The following ROR2 variants were observed in gnomAD, a reference collection of about 807,000 sequenced individuals.
The protein encoded by ROR2 is tyrosine-protein kinase transmembrane receptor ROR2.
Under a neutral mutation model 74.9 loss-of-function variants are expected in ROR2, and 33 were observed. The ratio of observed to expected loss-of-function variants is 0.44; its 90% confidence interval spans 0.33 to 0.59. ROR2 has a LOEUF of 0.59. Among genes scored for constraint, ROR2 ranks in the 20% least tolerant of loss-of-function variants. The pLI is 0.02. For synonymous variants in ROR2, 586 were observed against 558.7 expected, an observed-to-expected ratio of 1.05 and a Z score of -0.69; for missense variants, 1,216 against 1,313.8, an observed-to-expected ratio of 0.93 and a Z score of 1.15.
chr9:91,889,248 A>C (rs1239991478), intron 1 of ROR2, among the ~76,000 whole-genome samples: 1 of 152,186 alleles, frequency 6.6e-6, no homozygotes, highest in Non-Finnish European at 1.5e-5. Context: ...CCCACTCCCA[A>C]GCCCTGAGTG....
chr9:91,890,780 T>A (rs1302288890), intron 1 of ROR2, among the ~76,000 whole-genome samples: 1 of 152,250 alleles, frequency 6.6e-6, no homozygotes, highest in Non-Finnish European at 1.5e-5. Flanking sequence ...TCTTCTCCTG[T>A]GTTTTACCTT....
In ROR2 at chr9:91,835,391, C is replaced by T. The variant is rs558791345; in HGVS notation, c.98-59573G>A. Reference sequence around the variant, plus strand: ...TTGCACTGATTTATGGGCTCCATTGCTCTCTTCTCTGCACACACACTGCCC... The same window carrying T: ...TTGCACTGATTTATGGGCTCCATTGTTCTCTTCTCTGCACACACACTGCCC... On this transcript the variant is annotated intron_variant, in intron 1 of 8. Coordinates refer to ENST00000375708, the MANE Select transcript of ROR2 (RefSeq NM_004560.4). 1.4e-4 allele frequency among the ~76,000 whole-genome samples: 22 copies of T among 152,318 alleles called. 1 individual carries two copies. The South Asian group carries it at 4.6e-3, about 32-fold the overall frequency.
intron 1 of ROR2, among the ~76,000 whole-genome samples, chr9:91,826,863 T>A (rs1407903350): frequency 6.6e-6 from 1 of 152,184 alleles, no homozygotes; most frequent in East Asian, 1.9e-4. Flanking sequence ...AGTAACATTT[T>A]GAGAAGGGGA....
At chr9:91,903,927 T>C (rs895636109) in intron 1 of ROR2, among the ~76,000 whole-genome samples, 1 of 152,196 alleles carries the variant, frequency 6.6e-6, no homozygotes, top group Non-Finnish European at 1.5e-5. Flanking sequence ...ACAGCTGAAA[T>C]ATTTTTAAAG....
At chr9:91,833,068 C>T (rs1289956194) in intron 1 of ROR2, among the ~76,000 whole-genome samples, 1 of 152,164 alleles carries the variant, frequency 6.6e-6, no homozygotes, top group Non-Finnish European at 1.5e-5. Flanking sequence ...CCCTGCAACA[C>T]CCCCAAAGAG....
In ROR2 at chr9:91,723,643, C is replaced by A; in HGVS notation, c.*19G>T. 1.1e-5 allele frequency: 18 copies of A among 1,611,858 alleles called. No homozygotes were observed. The highest frequency in any genetic ancestry group is 1.5e-5 in the Non-Finnish European group (18 of 1,179,358). ...TCTCGGCGGGGCTTCTATCCCCGAA[C>A]CCCGGGCCCTGGTGCCACTCAAGCT... On this transcript the variant is annotated 3_prime_UTR_variant, in exon 9 of 9. Coordinates refer to ENST00000375708, the MANE Select transcript of ROR2 (RefSeq NM_004560.4).
intron 7 of ROR2, among the ~76,000 whole-genome samples, chr9:91,729,618 G>A (rs1425928714): frequency 6.6e-6 from 1 of 152,176 alleles, no homozygotes; most frequent in Admixed American, 6.5e-5. Context: ...CGCTTCACCG[G>A]CTGCTCTCTC....
chr9:91,896,228 T>A (rs1830534961), intron 1 of ROR2, among the ~76,000 whole-genome samples: 1 of 152,202 alleles, frequency 6.6e-6, no homozygotes, highest in Non-Finnish European at 1.5e-5. Flanking sequence ...CCATCTCTCC[T>A]TAGACTGCGT....
intron 1 of ROR2, among the ~76,000 whole-genome samples, chr9:91,920,221 C>G (rs897324304): frequency 1.3e-5 from 2 of 152,190 alleles, no homozygotes; most frequent in Admixed American, 6.5e-5. Flanking sequence ...AGAATAAACA[C>G]GATGGCCGGG....
rs930640242 is a variant in ROR2, at chr9:91,724,020, T to C, written c.2474A>G (p.Gln825Arg). 1.9e-6 allele frequency: 3 copies of C among 1,612,268 alleles called. No homozygotes were observed. The African/African-American group carries it at 4.0e-5, about 22-fold the overall frequency. ...PQLYVPVNGY[Q>R]PVPAYGAYLP... is the part of the protein sequence containing the mutation. ...GTAGGCCCCATAGGCCGGCACCGGCTGGTAGCCGTTGACGGGGACGTAGAG... is the reference window on the plus strand; with the variant it reads ...GTAGGCCCCATAGGCCGGCACCGGCCGGTAGCCGTTGACGGGGACGTAGAG... The change falls in exon 9 of 9, where the codon CAG becomes CGG. Residue 825 changes from glutamine (Q) to arginine (R), a missense_variant. Transcript: ENST00000375708.
intron 1 of ROR2, among the ~76,000 whole-genome samples, chr9:91,864,599 A>T (rs1829573377): frequency 6.6e-6 from 1 of 152,222 alleles, no homozygotes; most frequent in South Asian, 2.1e-4. Context: ...ACAAATCAAG[A>T]CAATCAGCAA....
At chr9:91,784,931 C>G (rs1826744159) in intron 1 of ROR2, among the ~76,000 whole-genome samples, 1 of 152,148 alleles carries the variant, frequency 6.6e-6, no homozygotes, top group Admixed American at 6.5e-5. Flanking sequence ...CACTGCCAGC[C>G]CCAGCACCTG....
At chr9:91,756,178 G>C (rs1825744494) in intron 3 of ROR2, 77 bp from the exon 4 acceptor site, 1 of 1,460,980 alleles carries the variant, frequency 6.8e-7, no homozygotes, top group African/African-American at 1.4e-5. Context: ...TCAGGCCAGT[G>C]GCAAACAGGC....
chr9:91,745,749 G>GT (rs1825391537), intron 4 of ROR2, among the ~76,000 whole-genome samples: 1 of 152,206 alleles, frequency 6.6e-6, no homozygotes, highest in Admixed American at 6.5e-5. Flanking sequence ...TTAGAAATGT[G>GT]TATCTATTCT....
chr9:91,772,157 A>C (rs560824076), intron 2 of ROR2, among the ~76,000 whole-genome samples: 2 of 152,322 alleles, frequency 1.3e-5, no homozygotes, highest in South Asian at 4.1e-4. Context: ...CAGGAGCAAG[A>C]ACTCAAAAGG....
chr9:91,891,252 C>CTT (rs59835723), intron 1 of ROR2, among the ~76,000 whole-genome samples: 195 of 136,838 alleles, frequency 1.4e-3, no homozygotes, highest in African/African-American at 5.2e-3. Flanking sequence ...CTGTTCCTTT[C>CTT]TTTTTTTTTT....
At chr9:91,770,323 CAGG>C (rs558270659) in intron 2 of ROR2, among the ~76,000 whole-genome samples, 103 of 152,336 alleles carry the variant, frequency 6.8e-4, no homozygotes, top group African/African-American at 2.2e-3. Context: ...AATCACCTGG[CAGG>C]AGGACATTCC....
intron 1 of ROR2, among the ~76,000 whole-genome samples, chr9:91,863,953 A>G (rs951036085): frequency 6.6e-6 from 1 of 152,188 alleles, no homozygotes; most frequent in Non-Finnish European, 1.5e-5. Context: ...GAGATGCTGG[A>G]AATGGGAAGG....
In ROR2 at chr9:91,891,252, CTTT is replaced by C. The variant is rs59835723; in HGVS notation, c.97+58612_97+58614del. Among the ~76,000 whole-genome samples the C allele has an allele frequency of 4.4e-5, 6 of 136,844 alleles. No individual in the cohort carries two copies. In the South Asian group the frequency reaches 6.8e-4, roughly 16 times the overall value. 89.8% of individuals were successfully genotyped at this position (136,844 alleles called of 152,430 possible). A position where few individuals can be genotyped will look rare whatever the true frequency, so the allele number is the denominator to read the frequency against. ...AAGTTGTCAGCAGGGCTGTTCCTTT[CTTT>C]TTTTTTTTTTTTTTCTTCTTTTGAG... On this transcript the variant is annotated intron_variant, in intron 1 of 8. Transcript: ENST00000375708.
Sources: gnomAD v4.1 joint callset for allele counts (sites outside exome capture counted in the v4.1 genomes callset) on GRCh38, gnomAD v4.1.1 for gene constraint, MANE v1.5 for transcripts, NCBI Gene and HGNC (gene_info 2026-07-23, HGNC 2026-07-21) for gene names.